WDFY2: variants seen among roughly 807,000 people sequenced by gnomAD.
The protein encoded by WDFY2 is WD repeat and FYVE domain containing 2.
A neutral mutation model predicts 56.4 loss-of-function variants in WDFY2; 36 were observed. The ratio of observed to expected loss-of-function variants is 0.64; its 90% CI spans 0.49 to 0.84. The LOEUF (loss-of-function observed/expected upper bound fraction) is 0.84. WDFY2 is among the 40% of genes least tolerant of loss of function. The pLI, the probability that WDFY2 is intolerant of heterozygous loss-of-function variation, is 0.00. For missense variants in WDFY2, 444 were observed against 512.2 expected (o/e 0.87, Z 1.29); for synonymous variants, 176 against 183.7 (o/e 0.96, Z 0.34).
chr13:51,750,038 C>G (rs1755027128), intron 7 of WDFY2, among the ~76,000 whole-genome samples: 1 of 152,048 alleles, frequency 6.6e-6, no homozygotes, highest in South Asian at 2.1e-4. Context: ...ACTAATAAAT[C>G]AGAGAAAGAT....
rs747157970 is a variant in WDFY2 at position 51,764,564 on chromosome 13, G to C, written c.*4795G>C. ...CAGCTGCCATCCCAGAATTGAGCTC[G>C]TCACTATCAGATGCTGCTGCTCCCT... On this transcript the variant is annotated 3_prime_UTR_variant, in exon 12 of 12. Transcript: ENST00000298125. 1.3e-5 allele frequency: 2 copies of C among 152,510 alleles called. No individual in the cohort carries two copies. The highest frequency in any genetic ancestry group is 2.9e-5 in the Non-Finnish European group (2 of 68,062). 9.4% of individuals were successfully genotyped at this position (152,510 alleles called of 1,614,324 possible). A position where few individuals can be genotyped will look rare whatever the true frequency, so the allele number is the denominator to read the frequency against.
At chr13:51,729,069 T>G (rs922968214) in intron 6 of WDFY2, among the ~76,000 whole-genome samples, 14 of 152,154 alleles carry the variant, frequency 9.2e-5, no homozygotes, top group Non-Finnish European at 1.8e-4. Context: ...CAGTGGTGCA[T>G]CGCTTCACCC....
At chr13:51,751,819 A>G (rs1953244098) in intron 8 of WDFY2, among the ~76,000 whole-genome samples, 1 of 152,234 alleles carries the variant, frequency 6.6e-6, no homozygotes, top group Non-Finnish European at 1.5e-5. Flanking sequence ...GTATTAATAG[A>G]AATACTAGAA....
At chr13:51,640,165 A>G (rs897853704) in intron 1 of WDFY2, among the ~76,000 whole-genome samples, 1 of 152,220 alleles carries the variant, frequency 6.6e-6, no homozygotes, top group African/African-American at 2.4e-5. Context: ...TGCTAAGTAA[A>G]TGACAAAAGT....
intron 1 of WDFY2, among the ~76,000 whole-genome samples, chr13:51,599,777 A>G (rs1381531754): frequency 6.6e-6 from 1 of 152,202 alleles, no homozygotes; most frequent in African/African-American, 2.4e-5. Context: ...GCCATCTTGC[A>G]ATAAAGTGAC....
At chr13:51,745,265 C>T (rs1032351932) in intron 7 of WDFY2, among the ~76,000 whole-genome samples, 1 of 151,842 alleles carries the variant, frequency 6.6e-6, no homozygotes, top group African/African-American at 2.4e-5. Flanking sequence ...TAGGGAAAAC[C>T]CAATTGGCTT....
chr13:51,674,916 G>C (rs1955861568), intron 2 of WDFY2, among the ~76,000 whole-genome samples: 1 of 152,154 alleles, frequency 6.6e-6, no homozygotes, highest in Non-Finnish European at 1.5e-5. Context: ...GACAGAACCA[G>C]CCAAGACCAA....
At chr13:51,584,915 C>A in intron 1 of WDFY2, 91 bp downstream of exon 1, 3 of 1,535,460 alleles carry the variant, frequency 2.0e-6, no homozygotes, top group Non-Finnish European at 2.6e-6. Flanking sequence ...CACGTCGGCG[C>A]GAGTGTAGAC....
chr13:51,718,264 C>T (rs1281146809), intron 4 of WDFY2, among the ~76,000 whole-genome samples: 3 of 152,110 alleles, frequency 2.0e-5, no homozygotes, highest in Non-Finnish European at 4.4e-5. Flanking sequence ...AGTCTTTGTT[C>T]ATTCCAGTCA....
rs150837999 is a variant in WDFY2 at position 51,602,748 on chromosome 13, C to A, written c.137+17924C>A. ...AGCTGAGCACATTGATAATTGAACA[C>A]ATTTGGATATTGGAGAGATAAATGA... On this transcript the variant is annotated intron_variant, in intron 1 of 11. Transcript: ENST00000298125. 6.2e-3 allele frequency among the ~76,000 whole-genome samples: 946 copies of A among 152,314 alleles called. 10 individuals carry two copies. Among genetic ancestry groups the A allele is most frequent in the African/African-American group, 0.019 (781 of 41,572 alleles).
intron 3 of WDFY2, among the ~76,000 whole-genome samples, chr13:51,696,948 G>A (rs186645763): frequency 1.3e-3 from 199 of 152,250 alleles, no homozygotes; most frequent in Non-Finnish European, 2.3e-3. Flanking sequence ...AATATCCTCA[G>A]TCCATGACAA....
chr13:51,703,764 A>G (rs1952032699), intron 4 of WDFY2, 114 bp downstream of exon 4: 1 of 858,176 alleles, frequency 1.2e-6, no homozygotes, highest in South Asian at 1.8e-5. Flanking sequence ...AAACAGAGCA[A>G]CCTTTTGAGT....
intron 1 of WDFY2, among the ~76,000 whole-genome samples, chr13:51,633,471 G>A (rs1437149884): frequency 6.6e-6 from 1 of 152,198 alleles, no homozygotes; most frequent in South Asian, 2.1e-4. Flanking sequence ...ACTTAGTAGG[G>A]TATCTGGATC....
intron 5 of WDFY2, among the ~76,000 whole-genome samples, chr13:51,723,990 T>C (rs1952545817): frequency 6.6e-6 from 1 of 152,174 alleles, no homozygotes; most frequent in Non-Finnish European, 1.5e-5. Context: ...GATAAATTCT[T>C]ATATCTGTCT....
intron 6 of WDFY2, among the ~76,000 whole-genome samples, chr13:51,732,450 T>C (rs1486935504): frequency 6.6e-6 from 1 of 152,214 alleles, no homozygotes; most frequent in East Asian, 1.9e-4. Flanking sequence ...TGGAAATTAA[T>C]AGTGTTAATA....
At chr13:51,612,228 G>A (rs1354003854) in intron 1 of WDFY2, among the ~76,000 whole-genome samples, 1 of 152,140 alleles carries the variant, frequency 6.6e-6, no homozygotes, top group Admixed American at 6.5e-5. Context: ...TCTATGGCCT[G>A]CTCCACTGTG....
intron 3 of WDFY2, among the ~76,000 whole-genome samples, chr13:51,693,605 ATGTGGTCAATTTTGGAATAGG>A (rs1266465611): frequency 6.6e-6 from 1 of 152,112 alleles, no homozygotes; most frequent in African/African-American, 2.4e-5. Flanking sequence ...ACTTCCACCT[ATGTGGTCAATTTTGGAATAGG>A]TGTGGTGTGG....
chr13:51,703,421 A>G (rs1232255546), intron 3 of WDFY2, among the ~76,000 whole-genome samples, 175 bp from the exon 4 acceptor site: 1 of 152,210 alleles, frequency 6.6e-6, no homozygotes, highest in Non-Finnish European at 1.5e-5. Flanking sequence ...ACTGCATTGG[A>G]TCATAATTTT....
At chr13:51,670,381 C>G (rs945290235) in intron 2 of WDFY2, among the ~76,000 whole-genome samples, 1 of 152,098 alleles carries the variant, frequency 6.6e-6, no homozygotes, top group African/African-American at 2.4e-5. Context: ...AATCGGCTCT[C>G]TGCTTCTTTG....
Sources: gnomAD v4.1 joint callset for allele counts (sites outside exome capture counted in the v4.1 genomes callset) on GRCh38, gnomAD v4.1.1 for gene constraint, MANE v1.5 for transcripts, NCBI Gene and HGNC (gene_info 2026-07-23, HGNC 2026-07-21) for gene names.